DPP6: variants seen among roughly 807,000 people sequenced by gnomAD.
The protein encoded by DPP6 is A-type potassium channel modulatory protein DPP6.
In DPP6, 69 loss-of-function variants were observed where a neutral mutation model predicts 122.6. That is an observed-to-expected ratio of 0.56 (90% CI 0.46 to 0.69). DPP6 has a LOEUF of 0.69. DPP6 is among the 30% of genes least tolerant of loss of function. The probability of loss-of-function intolerance (pLI) is 0.00; values close to 1 mark genes in which losing one functional copy is unlikely to be tolerated. For missense variants in DPP6, 928 were observed against 1,116.9 expected (o/e 0.83, Z 2.41); for synonymous variants, 418 against 433.1 (o/e 0.97, Z 0.43).
At chr7:154,204,034 G>A (rs1054095495) in intron 1 of DPP6, among the ~76,000 whole-genome samples, 3 of 152,202 alleles carry the variant, frequency 2.0e-5, no homozygotes, top group African/African-American at 7.2e-5. Flanking sequence ...CTGGGAAGGC[G>A]CCGATTTTCC....
intron 4 of DPP6, among the ~76,000 whole-genome samples, chr7:154,542,376 G>T (rs1398444914): frequency 6.6e-6 from 1 of 152,174 alleles, no homozygotes; most frequent in Non-Finnish European, 1.5e-5. Flanking sequence ...GACTGTTGCT[G>T]AGCGTCAGTG....
chr7:153,858,177 C>G, the DPP6 span, among the ~76,000 whole-genome samples: 14 of 152,316 alleles, frequency 9.2e-5, no homozygotes, highest in African/African-American at 2.6e-4. Flanking sequence ...GTTTTCTTTG[C>G]AGTCATTTGA....
intron 5 of DPP6, among the ~76,000 whole-genome samples, chr7:154,575,514 GTGT>G (rs1831580679): frequency 8.0e-6 from 1 of 124,828 alleles, no homozygotes; most frequent in Non-Finnish European, 1.7e-5. Flanking sequence ...TGTGTGTGTG[GTGT>G]GTGTATGTGC....
At chr7:153,991,560 G>A (rs1248143793) in intron 1 of DPP6, among the ~76,000 whole-genome samples, 1 of 152,166 alleles carries the variant, frequency 6.6e-6, no homozygotes, top group Non-Finnish European at 1.5e-5. Flanking sequence ...TCTTTCCCCT[G>A]GTTACACTCA....
At chr7:154,257,905 C>T (rs2150908252) in intron 1 of DPP6, among the ~76,000 whole-genome samples, 1 of 152,278 alleles carries the variant, frequency 6.6e-6, no homozygotes, top group Middle Eastern at 3.4e-3. Flanking sequence ...AGCAGAGATC[C>T]TTGGCATCAG....
chr7:154,471,829 A>G lies in DPP6; in HGVS notation c.359-3110A>G, dbSNP rs1019436186. On this transcript the variant is annotated intron_variant, in intron 2 of 25. Transcript: ENST00000377770. ...GAAATAACTATCACTATGCTAAAGAAGCATGAAACTATAAAATATGAGTAG... is the reference window on the plus strand; with the variant it reads ...GAAATAACTATCACTATGCTAAAGAGGCATGAAACTATAAAATATGAGTAG... 6.6e-4 allele frequency among the ~76,000 whole-genome samples: 101 copies of G among 152,214 alleles called. 1 individual carries two copies. The highest frequency in any genetic ancestry group is 6.3e-3 in the Admixed American group (96 of 15,286).
intron 12 of DPP6, among the ~76,000 whole-genome samples, chr7:154,798,535 A>G (rs1432377492): frequency 6.6e-6 from 1 of 152,242 alleles, no homozygotes; most frequent in Non-Finnish European, 1.5e-5. Flanking sequence ...AACGTATGCA[A>G]TGCTGCCATG....
intron 1 of DPP6, among the ~76,000 whole-genome samples, chr7:154,156,033 C>G (rs889097458): frequency 1.3e-4 from 20 of 152,244 alleles, no homozygotes; most frequent in African/African-American, 4.8e-4. Context: ...GCTCACAGAG[C>G]CATCTGAGCA....
chr7:153,889,786 C>G (rs188790073), intron 1 of DPP6, among the ~76,000 whole-genome samples: 395 of 152,236 alleles, frequency 2.6e-3, no homozygotes, highest in Non-Finnish European at 4.2e-3. Flanking sequence ...CTACAGCAAC[C>G]CATATTTTCA....
At chr7:153,954,560 C>G (rs903509396) in intron 1 of DPP6, among the ~76,000 whole-genome samples, 4 of 152,138 alleles carry the variant, frequency 2.6e-5, no homozygotes, top group African/African-American at 9.7e-5. Context: ...GATGTGTGTT[C>G]AAACATTATT....
At chr7:153,864,236 C>T in the DPP6 span, among the ~76,000 whole-genome samples, 1 of 152,318 alleles carries the variant, frequency 6.6e-6, no homozygotes, top group African/African-American at 2.4e-5. Flanking sequence ...ACATCCTTTG[C>T]ATCACTTGTT....
the DPP6 span, among the ~76,000 whole-genome samples, chr7:153,798,585 T>C: frequency 2.6e-5 from 4 of 152,152 alleles, no homozygotes; most frequent in Admixed American, 6.5e-5. Context: ...CCCAACATTT[T>C]TGGCACCAGG....
rs373389583 is a variant in DPP6 at position 154,081,336 on chromosome 7, T to C, written c.243+28273T>C. On this transcript the variant is annotated intron_variant, in intron 1 of 25. Transcript: ENST00000377770. Reference sequence around the variant, plus strand: ...AGAAAGGGCCAAGCCTTTCAACACCTTAGACTCTGATGCCTCCAGGGTGGA... The same window carrying C: ...AGAAAGGGCCAAGCCTTTCAACACCCTAGACTCTGATGCCTCCAGGGTGGA... 2.0e-4 allele frequency among the ~76,000 whole-genome samples: 30 copies of C among 147,138 alleles called. 2 individuals carry two copies. Among genetic ancestry groups the C allele is most frequent in the African/African-American group, 6.6e-4 (27 of 40,838 alleles).
intron 3 of DPP6, among the ~76,000 whole-genome samples, chr7:154,516,431 G>T (rs1345711484): frequency 2.0e-5 from 3 of 152,184 alleles, no homozygotes; most frequent in Non-Finnish European, 4.4e-5. Flanking sequence ...CCCAGGGGAG[G>T]CATCTGCAGT....
chr7:154,799,213 C>T (rs891838909), intron 12 of DPP6, among the ~76,000 whole-genome samples: 47 of 152,296 alleles, frequency 3.1e-4, no homozygotes, highest in African/African-American at 8.7e-4. Flanking sequence ...TTCATCTGAG[C>T]CGTTCATCCT....
At chr7:154,623,962 G>C (rs1834900404) in intron 5 of DPP6, among the ~76,000 whole-genome samples, 1 of 152,242 alleles carries the variant, frequency 6.6e-6, no homozygotes. Flanking sequence ...CGGAGGCCAA[G>C]GCAGGTGGAT....
At chr7:154,251,842 C>A (rs1466071086) in intron 1 of DPP6, among the ~76,000 whole-genome samples, 4 of 152,158 alleles carry the variant, frequency 2.6e-5, no homozygotes, top group African/African-American at 4.8e-5. Context: ...TGGTGCCCAC[C>A]CACATTGAGG....
intron 1 of DPP6, among the ~76,000 whole-genome samples, chr7:154,249,724 T>C (rs540559103): frequency 6.6e-6 from 1 of 152,264 alleles, no homozygotes; most frequent in South Asian, 2.1e-4. Flanking sequence ...TGTCCCCAGA[T>C]GCATTTCCAT....
chr7:154,303,600 C>T (rs1806056246), intron 1 of DPP6, among the ~76,000 whole-genome samples: 1 of 152,130 alleles, frequency 6.6e-6, no homozygotes, highest in Non-Finnish European at 1.5e-5. Context: ...ACTGATACCA[C>T]TGCTATACCC....
Sources: gnomAD v4.1 joint callset for allele counts (sites outside exome capture counted in the v4.1 genomes callset) on GRCh38, gnomAD v4.1.1 for gene constraint, MANE v1.5 for transcripts, NCBI Gene and HGNC (gene_info 2026-07-23, HGNC 2026-07-21) for gene names.